The following PLPPR1 variants were observed in gnomAD, a reference collection of about 807,000 sequenced individuals.
The protein encoded by PLPPR1 is phospholipid phosphatase-related protein type 1.
PLPPR1 carries 10 observed loss-of-function variants against 33.1 expected under a neutral mutation model. The ratio of observed to expected loss-of-function variants is 0.30; its 90% CI spans 0.19 to 0.51. PLPPR1 has a LOEUF of 0.51. PLPPR1 is among the 20% of genes least tolerant of loss of function. The pLI is 0.97. For synonymous variants in PLPPR1, 151 were observed against 151.0 expected (o/e 1.00, Z 0.00); for missense variants, 304 against 408.1 (o/e 0.74, Z 2.20).
chr9:101,316,026 A>G (rs1240031356), intron 6 of PLPPR1, among the ~76,000 whole-genome samples: 5 of 152,220 alleles, frequency 3.3e-5, no homozygotes, highest in Non-Finnish European at 5.9e-5. Flanking sequence ...ATAGATGAGG[A>G]AAATGAGGCT....
At chr9:101,190,120 ACGTAT>A (rs767048658) in intron 2 of PLPPR1, among the ~76,000 whole-genome samples, 29 of 152,130 alleles carry the variant, frequency 1.9e-4, no homozygotes, top group Non-Finnish European at 3.8e-4. Flanking sequence ...AAAGTCTCAA[ACGTAT>A]CGTCAAAGTT....
intron 4 of PLPPR1, among the ~76,000 whole-genome samples, chr9:101,295,163 A>T (rs1379169546): frequency 1.3e-5 from 2 of 151,842 alleles, no homozygotes; most frequent in Non-Finnish European, 2.9e-5. Context: ...AATAACAGAC[A>T]AACAGAGAGC....
At chr9:101,081,799 G>T (rs1025213912) in intron 1 of PLPPR1, among the ~76,000 whole-genome samples, 3 of 152,222 alleles carry the variant, frequency 2.0e-5, no homozygotes, top group Non-Finnish European at 4.4e-5. Flanking sequence ...TGTGTGGGAT[G>T]TTGAAATGTG....
chr9:101,283,567 G>C (rs1240911474), intron 3 of PLPPR1, among the ~76,000 whole-genome samples: 1 of 152,062 alleles, frequency 6.6e-6, no homozygotes, highest in African/African-American at 2.4e-5. Flanking sequence ...TTACATAGAA[G>C]AAAAGCTTCA....
intron 2 of PLPPR1, among the ~76,000 whole-genome samples, chr9:101,191,822 G>T (rs1343388861): frequency 6.6e-6 from 1 of 152,154 alleles, no homozygotes; most frequent in Non-Finnish European, 1.5e-5. Flanking sequence ...TCTAAGTGGA[G>T]CTTAGTTACC....
intron 2 of PLPPR1, among the ~76,000 whole-genome samples, chr9:101,225,072 T>C (rs1335851742): frequency 2.6e-5 from 4 of 152,198 alleles, no homozygotes; most frequent in Non-Finnish European, 5.9e-5. Flanking sequence ...CTCCAGTTTA[T>C]ATTAATTAGC....
chr9:101,146,764 G>C (rs1032671104), intron 1 of PLPPR1, among the ~76,000 whole-genome samples: 1 of 152,176 alleles, frequency 6.6e-6, no homozygotes, highest in Non-Finnish European at 1.5e-5. Flanking sequence ...GATGACACAG[G>C]CCATCATCCT....
intron 3 of PLPPR1, among the ~76,000 whole-genome samples, chr9:101,273,541 C>A (rs868654229): frequency 3.5e-4 from 53 of 152,152 alleles, no homozygotes; most frequent in Non-Finnish European, 3.1e-4. Context: ...GCTACCCTGC[C>A]GGCAAGCTGT....
rs553324474 is a variant in PLPPR1 at position 101,316,616 on chromosome 9, C to CAAAAAAAAAAAAAAAAAAAAAAAAAAAA, written c.814-737_814-736insAAAAAAAAAAAAAAAAAAAAAAAAAAAA. Among the ~76,000 whole-genome samples, 171 of 82,428 alleles carry CAAAAAAAAAAAAAAAAAAAAAAAAAAAA rather than the reference C, an allele frequency of 2.1e-3. 18 individuals are homozygous for CAAAAAAAAAAAAAAAAAAAAAAAAAAAA. The highest frequency in any genetic ancestry group is 2.8e-3 in the Non-Finnish European group (122 of 42,810). 54.1% of individuals were successfully genotyped at this position (82,428 alleles called of 152,430 possible). On this transcript the variant is annotated intron_variant, in intron 6 of 7. Transcript: ENST00000374874. Reference sequence around the variant, plus strand: ...AGGGAAAAGGAGGGTTCTTCTTGGGCAAAAAAAAAAAAGCAGGGAAGATGG... The same window carrying CAAAAAAAAAAAAAAAAAAAAAAAAAAAA: ...AGGGAAAAGGAGGGTTCTTCTTGGGCAAAAAAAAAAAAAAAAAAAAAAAAAAAAAAAAAAAAAAAAGCAGGGAAGATGG...
At chr9:101,097,588 T>C (rs968840852) in intron 1 of PLPPR1, among the ~76,000 whole-genome samples, 1 of 152,212 alleles carries the variant, frequency 6.6e-6, no homozygotes, top group Non-Finnish European at 1.5e-5. Flanking sequence ...AGAAGGTATG[T>C]ATGTGTTTTA....
At chr9:101,181,628 G>GTGTGTGTGTGTA (rs1554732861) in intron 1 of PLPPR1, among the ~76,000 whole-genome samples, 1 of 146,432 alleles carries the variant, frequency 6.8e-6, no homozygotes, top group African/African-American at 2.5e-5. Flanking sequence ...GTGTGTGTGT[G>GTGTGTGTGTGTA]TGTGTATGTG....
At chr9:101,254,522 A>G (rs1336162853) in intron 2 of PLPPR1, among the ~76,000 whole-genome samples, 1 of 152,092 alleles carries the variant, frequency 6.6e-6, no homozygotes, top group Non-Finnish European at 1.5e-5. Context: ...GCCACAGACC[A>G]GGGGGGTTGT....
chr9:101,133,055 A>C (rs1312961119), intron 1 of PLPPR1, among the ~76,000 whole-genome samples: 1 of 152,178 alleles, frequency 6.6e-6, no homozygotes, highest in Non-Finnish European at 1.5e-5. Context: ...CTTGGGAATC[A>C]AGTTCCAATT....
At chr9:101,291,036 G>C (rs911560617) in intron 4 of PLPPR1, among the ~76,000 whole-genome samples, 1 of 152,236 alleles carries the variant, frequency 6.6e-6, no homozygotes, top group African/African-American at 2.4e-5. Context: ...CCTAGTCAAA[G>C]AAAGGGGTGA....
At chr9:101,296,100 T>G (rs1434090205) in intron 4 of PLPPR1, among the ~76,000 whole-genome samples, 1 of 151,692 alleles carries the variant, frequency 6.6e-6, no homozygotes, top group Non-Finnish European at 1.5e-5. Context: ...TCAAACAAAT[T>G]TACAAGAAAA....
chr9:101,300,290 C>G (rs1055795559), intron 4 of PLPPR1, among the ~76,000 whole-genome samples: 1 of 152,092 alleles, frequency 6.6e-6, no homozygotes, highest in Non-Finnish European at 1.5e-5. Context: ...CCTCCCACCT[C>G]AGTCTCCTGA....
At chr9:101,318,934 C>G (rs1364427704) in intron 7 of PLPPR1, among the ~76,000 whole-genome samples, 2 of 152,074 alleles carry the variant, frequency 1.3e-5, no homozygotes, top group East Asian at 3.9e-4. Flanking sequence ...AGCATGTCAT[C>G]TTTTTCGGGT....
intron 1 of PLPPR1, among the ~76,000 whole-genome samples, chr9:101,147,649 A>G (rs1831536659): frequency 6.6e-6 from 1 of 152,178 alleles, no homozygotes; most frequent in South Asian, 2.1e-4. Flanking sequence ...ATTGGAGGTG[A>G]CTGTGCAGGA....
intron 1 of PLPPR1, among the ~76,000 whole-genome samples, chr9:101,079,699 C>T (rs979922931): frequency 1.3e-5 from 2 of 152,074 alleles, no homozygotes; most frequent in Non-Finnish European, 2.9e-5. Context: ...CCTGCCTCAG[C>T]CTCCTGAGTA....
Sources: gnomAD v4.1 joint callset for allele counts (sites outside exome capture counted in the v4.1 genomes callset) on GRCh38, gnomAD v4.1.1 for gene constraint, MANE v1.5 for transcripts, NCBI Gene and HGNC (gene_info 2026-07-23, HGNC 2026-07-21) for gene names.